The following GALNT7 variants were observed in gnomAD, a reference collection of about 807,000 sequenced individuals.
The protein encoded by GALNT7 is N-acetylgalactosaminyltransferase 7.
In GALNT7, 60 loss-of-function variants were observed where a neutral mutation model predicts 82.1. That is an observed-to-expected ratio of 0.73 (90% CI 0.59 to 0.91). The LOEUF (loss-of-function observed/expected upper bound fraction) is 0.91, where lower values mean the gene tolerates loss of function less well. Among genes scored for constraint, GALNT7 ranks in the 40% least tolerant of loss-of-function variants. The probability of loss-of-function intolerance (pLI) is 0.00; values close to 1 mark genes in which losing one functional copy is unlikely to be tolerated. For synonymous variants in GALNT7, 243 were observed against 275.1 expected, an observed-to-expected ratio of 0.88 and a Z score of 1.15; for missense variants, 660 against 804.2, an observed-to-expected ratio of 0.82 and a Z score of 2.17.
intron 2 of GALNT7, among the ~76,000 whole-genome samples, chr4:173,256,598 T>G (rs1735047895): frequency 1.3e-5 from 2 of 151,990 alleles, no homozygotes; most frequent in Middle Eastern, 3.4e-3. Flanking sequence ...AGTCTTTCTT[T>G]CTTTCTTTGT....
In GALNT7 at chr4:173,221,988, C is replaced by A. The variant is rs1258476168; in HGVS notation, c.127-25992C>A. Reference sequence around the variant, plus strand: ...ATTTTAAAAGCATACAAAATACAAGCCCGAATTCGATTCAGAAGGCATAAA... The same window carrying A: ...ATTTTAAAAGCATACAAAATACAAGACCGAATTCGATTCAGAAGGCATAAA... On this transcript the variant is annotated intron_variant, in intron 1 of 11. Coordinates refer to ENST00000265000, the MANE Select transcript of GALNT7 (RefSeq NM_017423.3). Among the ~76,000 whole-genome samples the A allele has an allele frequency of 1.3e-5, 2 of 152,130 alleles. 1 individual carries two copies. The highest frequency in any genetic ancestry group is 4.8e-5 in the African/African-American group (2 of 41,446).
At chr4:173,227,563 C>A (rs560864052) in intron 1 of GALNT7, among the ~76,000 whole-genome samples, 3 of 152,270 alleles carry the variant, frequency 2.0e-5, no homozygotes, top group South Asian at 2.1e-4. Flanking sequence ...GATCTCCTGA[C>A]CTCATGATCC....
intron 1 of GALNT7, among the ~76,000 whole-genome samples, chr4:173,212,322 A>G (rs984569590): frequency 6.6e-6 from 1 of 152,232 alleles, no homozygotes; most frequent in Non-Finnish European, 1.5e-5. Context: ...AGTCTACAAA[A>G]GTCACAAGTA....
rs762744797 is a variant in GALNT7 at position 173,302,027 on chromosome 4, G to A, written c.1149-20G>A. The A allele has an allele frequency of 1.3e-5, 14 of 1,075,650 alleles. No individual in the cohort carries two copies. In the African/African-American group the frequency reaches 2.2e-4, roughly 17 times the overall value. 66.6% of individuals were successfully genotyped at this position (1,075,650 alleles called of 1,614,324 possible). On this transcript the variant is annotated intron_variant, in intron 6 of 11. Coordinates refer to ENST00000265000, the MANE Select transcript of GALNT7 (RefSeq NM_017423.3). This position sits in a 1 kb window ranked among gnomAD's most constrained non-coding sequence, Gnocchi z 4.2. ...TGGGGGTTTGTCTGTAATGGTTATT[G>A]CAGTGTTTCTTTTTCTTAGGTCCCC...
intron 1 of GALNT7, among the ~76,000 whole-genome samples, chr4:173,185,326 T>A (rs2126634653): frequency 6.6e-6 from 1 of 151,910 alleles, no homozygotes; most frequent in Middle Eastern, 3.4e-3. Context: ...GAGTAAATGG[T>A]GCACTGGGTG....
At chr4:173,295,159 A>G (rs879122658) in intron 3 of GALNT7, among the ~76,000 whole-genome samples, 1 of 152,214 alleles carries the variant, frequency 6.6e-6, no homozygotes, top group Non-Finnish European at 1.5e-5. Flanking sequence ...AATTCGAATA[A>G]TCATTGTTTA....
At chr4:173,237,598 A>C (rs1331427594) in intron 1 of GALNT7, among the ~76,000 whole-genome samples, 1 of 152,096 alleles carries the variant, frequency 6.6e-6, no homozygotes, top group Non-Finnish European at 1.5e-5. Context: ...GGTTTTTAGG[A>C]AGGTTTGGAA....
intron 8 of GALNT7, among the ~76,000 whole-genome samples, chr4:173,311,601 G>C (rs975500377): frequency 2.0e-5 from 3 of 152,136 alleles, no homozygotes; most frequent in Non-Finnish European, 2.9e-5. Context: ...TCACCAACCA[G>C]ATGTCACAAG....
intron 1 of GALNT7, among the ~76,000 whole-genome samples, chr4:173,184,427 T>C (rs955041653): frequency 6.6e-6 from 1 of 151,586 alleles, no homozygotes; most frequent in African/African-American, 2.4e-5. Context: ...CGAAACCCCG[T>C]CTCCACCAAG....
chr4:173,254,374 T>C (rs4695828), intron 2 of GALNT7, among the ~76,000 whole-genome samples: 11,031 of 152,250 alleles, frequency 0.072, 813 homozygotes, highest in African/African-American at 0.19. Context: ...ATATTAAAGG[T>C]TCTCTTTGAT....
At chr4:173,288,672 C>A (rs1736428614) in intron 2 of GALNT7, among the ~76,000 whole-genome samples, 1 of 151,952 alleles carries the variant, frequency 6.6e-6, no homozygotes, top group Non-Finnish European at 1.5e-5. Flanking sequence ...GAAGAAATAA[C>A]CCAAAAGGAG....
chr4:173,279,164 CT>C (rs1736018022), intron 2 of GALNT7, among the ~76,000 whole-genome samples: 1 of 152,132 alleles, frequency 6.6e-6, no homozygotes, highest in African/African-American at 2.4e-5. Flanking sequence ...GTTCTGCAGG[CT>C]GTACAAGCAT....
intron 2 of GALNT7, among the ~76,000 whole-genome samples, chr4:173,273,798 A>T (rs1735809694): frequency 6.6e-6 from 1 of 151,922 alleles, no homozygotes; most frequent in African/African-American, 2.4e-5. Context: ...CTTTTGTAAT[A>T]CTGTTTTATT....
intron 1 of GALNT7, among the ~76,000 whole-genome samples, chr4:173,207,152 T>C (rs1342230371): frequency 6.6e-6 from 1 of 152,236 alleles, no homozygotes; most frequent in Non-Finnish European, 1.5e-5. Flanking sequence ...GTCTAATTTA[T>C]ATTGTTTTGA....
At chr4:173,303,181 C>T (rs542694786) in intron 7 of GALNT7, among the ~76,000 whole-genome samples, 6 of 149,078 alleles carry the variant, frequency 4.0e-5, no homozygotes, top group East Asian at 2.0e-4. Flanking sequence ...GGGGACAGAG[C>T]GAGACTCCGT....
At chr4:173,222,916 C>T (rs1379873723) in intron 1 of GALNT7, among the ~76,000 whole-genome samples, 1 of 152,124 alleles carries the variant, frequency 6.6e-6, no homozygotes, top group African/African-American at 2.4e-5. Context: ...AATAAAATGA[C>T]TACTAAGGTT....
At chr4:173,188,775 C>T (rs923402264) in intron 1 of GALNT7, among the ~76,000 whole-genome samples, 2 of 152,198 alleles carry the variant, frequency 1.3e-5, no homozygotes, top group Admixed American at 1.3e-4. Flanking sequence ...TACCTGTTCT[C>T]TGAAGATTTT....
rs62342298 is a variant in GALNT7 at position 173,258,009 on chromosome 4, C to A, written c.587+9569C>A. 9.8e-3 allele frequency among the ~76,000 whole-genome samples: 1,499 copies of A among 152,256 alleles called. 9 individuals carry two copies. The highest frequency in any genetic ancestry group is 0.015 in the Non-Finnish European group (1,048 of 68,030). On this transcript the variant is annotated intron_variant, in intron 2 of 11. Transcript: ENST00000265000. ...CCCCATCCAAGGAAGATATTTAAGG[C>A]TGATTTCTTCTCCCAGTGAGATTGA...
At chr4:173,263,331 T>TA (rs1207920608) in intron 2 of GALNT7, among the ~76,000 whole-genome samples, 5 of 152,232 alleles carry the variant, frequency 3.3e-5, no homozygotes, top group Non-Finnish European at 5.9e-5. Context: ...TTTAATCTCT[T>TA]ATACTTGATT....
Sources: allele counts gnomAD v4.1 joint callset (sites outside exome capture counted in the v4.1 genomes callset), GRCh38; gene constraint gnomAD v4.1.1; non-coding constraint Gnocchi (gnomAD v3.1); transcripts MANE v1.5; gene names NCBI Gene and HGNC (gene_info 2026-07-23, HGNC 2026-07-21).